Variants in SGCZ observed in about 807,000 individuals in gnomAD.
SGCZ encodes the protein zeta-sarcoglycan.
Under a neutral mutation model 41.3 loss-of-function variants are expected in SGCZ, and 40 were observed. The ratio of observed to expected loss-of-function variants is 0.97; its 90% CI spans 0.75 to 1.26. SGCZ has a LOEUF of 1.26. Ranked by LOEUF, SGCZ falls within the 50% of genes most tolerant of loss-of-function variation. SGCZ has a pLI of 0.00. For synonymous variants in SGCZ, 206 were observed against 137.5 expected, an observed-to-expected ratio of 1.50 and a Z score of -3.49; for missense variants, 552 against 369.8, an observed-to-expected ratio of 1.49 and a Z score of -4.04.
intron 2 of SGCZ, among the ~76,000 whole-genome samples, chr8:14,375,262 C>A (rs895150477): frequency 1.1e-4 from 16 of 152,110 alleles, no homozygotes; most frequent in African/African-American, 3.9e-4. Context: ...AATACGGTAG[C>A]TGTTTTTAAA....
intron 1 of SGCZ, among the ~76,000 whole-genome samples, chr8:14,695,032 C>T (rs1439867038): frequency 6.6e-6 from 1 of 152,136 alleles, no homozygotes; most frequent in African/African-American, 2.4e-5. Context: ...CAGAGACTTG[C>T]AATGCCTTGG....
chr8:14,281,466 CAT>C (rs72202513), intron 3 of SGCZ, among the ~76,000 whole-genome samples: 80,510 of 151,594 alleles, frequency 0.53, 23,898 homozygotes, highest in Non-Finnish European at 0.67. Flanking sequence ...TTTTTTATAT[CAT>C]AGAACTTTGA....
chr8:14,785,763 T>C (rs922786283), intron 1 of SGCZ, among the ~76,000 whole-genome samples: 4 of 152,198 alleles, frequency 2.6e-5, no homozygotes, highest in African/African-American at 9.6e-5. Flanking sequence ...GGCTTTAACT[T>C]GTTACTCTTT....
chr8:14,457,301 G>A (rs1800773824), intron 2 of SGCZ, among the ~76,000 whole-genome samples: 1 of 152,200 alleles, frequency 6.6e-6, no homozygotes. Flanking sequence ...CCCACACAGG[G>A]CCACCAGAGG....
chr8:15,120,778 T>A (rs577168825), intron 1 of SGCZ, among the ~76,000 whole-genome samples: 1 of 152,364 alleles, frequency 6.6e-6, no homozygotes, highest in African/African-American at 2.4e-5. Flanking sequence ...GACCATTTTG[T>A]TGATTTTCCC....
chr8:14,922,277 T>C (rs772419474), intron 1 of SGCZ, among the ~76,000 whole-genome samples: 1 of 152,038 alleles, frequency 6.6e-6, no homozygotes, highest in African/African-American at 2.4e-5. Context: ...CCATGTCTTA[T>C]AAAATATATG....
chr8:14,239,323 G>A (rs1806887861), intron 3 of SGCZ, among the ~76,000 whole-genome samples: 1 of 151,688 alleles, frequency 6.6e-6, no homozygotes. Context: ...ATGTAAGTAT[G>A]TTAAAAAGGA....
At chr8:14,731,530 A>G (rs1810239241) in intron 1 of SGCZ, among the ~76,000 whole-genome samples, 1 of 152,162 alleles carries the variant, frequency 6.6e-6, no homozygotes, top group African/African-American at 2.4e-5. Context: ...AACTTAAAGT[A>G]TAATAAAAAT....
intron 1 of SGCZ, among the ~76,000 whole-genome samples, chr8:15,066,205 G>C (rs535037034): frequency 1.3e-5 from 2 of 151,864 alleles, no homozygotes; most frequent in African/African-American, 4.8e-5. Flanking sequence ...CTACTGGGGA[G>C]GCTGAGGCAG....
intron 2 of SGCZ, among the ~76,000 whole-genome samples, chr8:14,406,927 T>A (rs1332094312): frequency 6.6e-6 from 1 of 152,168 alleles, no homozygotes; most frequent in Non-Finnish European, 1.5e-5. Flanking sequence ...ATTTGCTATT[T>A]AACATCACTG....
chr8:14,942,215 C>T (rs1800300324), intron 1 of SGCZ, among the ~76,000 whole-genome samples: 1 of 152,066 alleles, frequency 6.6e-6, no homozygotes. Flanking sequence ...GACCTACCCT[C>T]ATGGAAGAGC....
At chr8:14,374,486 G>T (rs1339538253) in intron 2 of SGCZ, among the ~76,000 whole-genome samples, 2 of 152,004 alleles carry the variant, frequency 1.3e-5, no homozygotes, top group Non-Finnish European at 2.9e-5. Flanking sequence ...TTTTTCCAGT[G>T]AAATAAGAAT....
chr8:14,415,440 T>A (rs1187713183), intron 2 of SGCZ, among the ~76,000 whole-genome samples: 1 of 151,850 alleles, frequency 6.6e-6, no homozygotes, highest in African/African-American at 2.4e-5. Flanking sequence ...GTGTGAATGA[T>A]GAATGCATAT....
chr8:14,255,718 C>T (rs1799439656), intron 3 of SGCZ, among the ~76,000 whole-genome samples: 1 of 151,888 alleles, frequency 6.6e-6, no homozygotes, highest in Admixed American at 6.6e-5. Flanking sequence ...GAAAGAGGTT[C>T]AACATTAGAT....
intron 1 of SGCZ, among the ~76,000 whole-genome samples, chr8:14,817,142 A>T (rs1474669368): frequency 6.6e-6 from 1 of 152,162 alleles, no homozygotes; most frequent in Non-Finnish European, 1.5e-5. Flanking sequence ...TTGCACACTC[A>T]GTAACATCCT....
At chr8:14,664,948 G>A (rs1284828542) in intron 1 of SGCZ, among the ~76,000 whole-genome samples, 1 of 152,158 alleles carries the variant, frequency 6.6e-6, no homozygotes, top group Non-Finnish European at 1.5e-5. Flanking sequence ...AGCACTAGGT[G>A]ATCCTGGTCA....
At chr8:14,647,578 T>C (rs1159763882) in intron 1 of SGCZ, among the ~76,000 whole-genome samples, 1 of 152,040 alleles carries the variant, frequency 6.6e-6, no homozygotes, top group East Asian at 1.9e-4. Flanking sequence ...GTTTTAGACA[T>C]GGTTGTGGCA....
intron 4 of SGCZ, among the ~76,000 whole-genome samples, chr8:14,219,541 G>T (rs1350614018): frequency 6.6e-6 from 1 of 152,166 alleles, no homozygotes; most frequent in Non-Finnish European, 1.5e-5. Context: ...AAGGTCAGGA[G>T]TTCGAGACCA....
intron 1 of SGCZ, among the ~76,000 whole-genome samples, chr8:14,766,605 A>C (rs1281656925): frequency 1.3e-5 from 2 of 151,974 alleles, no homozygotes; most frequent in Non-Finnish European, 2.9e-5. Context: ...TCTGTCACCC[A>C]GGCTGGAGTG....
Sources: allele counts gnomAD v4.1 joint callset (sites outside exome capture counted in the v4.1 genomes callset), GRCh38; gene constraint gnomAD v4.1.1; transcripts MANE v1.5; gene names NCBI Gene and HGNC (gene_info 2026-07-23, HGNC 2026-07-21).